Variants in ARHGAP39 observed in about 807,000 individuals in gnomAD.
ARHGAP39 encodes the protein rho GTPase-activating protein 39.
Under a neutral mutation model 106.9 loss-of-function variants are expected in ARHGAP39, and 44 were observed. The observed-to-expected ratio is 0.41, with a 90% CI of 0.32 to 0.53. The LOEUF (loss-of-function observed/expected upper bound fraction) is 0.53. ARHGAP39 is among the 20% of genes least tolerant of loss of function. ARHGAP39 has a pLI of 0.21. For synonymous variants in ARHGAP39, 768 were observed against 693.2 expected, an observed-to-expected ratio of 1.11 and a Z score of -1.69; for missense variants, 1,496 against 1,577.3, an observed-to-expected ratio of 0.95 and a Z score of 0.87.
intron 6 of ARHGAP39, among the ~76,000 whole-genome samples, chr8:144,542,556 C>G (rs1817237446): frequency 6.6e-6 from 1 of 152,226 alleles, no homozygotes; most frequent in African/African-American, 2.4e-5. Flanking sequence ...TCCTCCTCGG[C>G]TGATAGGGCC....
rs191944183 is a variant in ARHGAP39, at chr8:144,622,583, C to A, written c.-81-16888G>T. Among the ~76,000 whole-genome samples the A allele has an allele frequency of 1.5e-3, 227 of 152,286 alleles. 6 individuals are homozygous for A. In the East Asian group the frequency reaches 0.03, roughly 20 times the overall value. On this transcript the variant is annotated intron_variant, in intron 1 of 11. Transcript: ENST00000377307. ...TCAGGTGCGAGCCCAGCCCACAGCA[C>A]CGACAGGAGTCAATGTATTCAGAGT...
intron 4 of ARHGAP39, among the ~76,000 whole-genome samples, chr8:144,552,469 G>A (rs1817750263): frequency 6.6e-6 from 1 of 152,234 alleles, no homozygotes; most frequent in South Asian, 2.1e-4. Flanking sequence ...TACAGACACA[G>A]TTATACTCAC....
At chr8:144,607,235 C>CAA (rs1167793437) in intron 1 of ARHGAP39, among the ~76,000 whole-genome samples, 589 of 48,182 alleles carry the variant, frequency 0.012, 6 homozygotes, top group East Asian at 0.016. Flanking sequence ...GACATTGTCT[C>CAA]AAAAAAAAAA....
At chr8:144,687,913 C>T (rs576431914), upstream of ARHGAP39, among the ~76,000 whole-genome samples, 47 of 138,442 alleles carry the variant, frequency 3.4e-4, no homozygotes, top group South Asian at 7.0e-4. Context: ...CGTGACCACA[C>T]ACTGGCGGTG....
intron 1 of ARHGAP39, among the ~76,000 whole-genome samples, chr8:144,683,990 G>A (rs1345053865): frequency 1.3e-5 from 2 of 152,110 alleles, no homozygotes; most frequent in Non-Finnish European, 2.9e-5. Context: ...ACCCTATGAG[G>A]CCAATATTAT....
rs539286832 is a variant in ARHGAP39, at chr8:144,651,690, G to C, written c.-82+33996C>G. On this transcript the variant is annotated intron_variant, in intron 1 of 11. Coordinates refer to ENST00000377307, the MANE Select transcript of ARHGAP39 (RefSeq NM_025251.3). ...TCACTGCACTCCAGCCTGGATGATA[G>C]AGAGACTCTGTCTCAAAAAAAAATT... is the stretch of plus-strand genomic sequence containing the variant. 3.3e-5 allele frequency among the ~76,000 whole-genome samples: 5 copies of C among 152,164 alleles called. No individual in the cohort carries two copies. In the East Asian group the frequency reaches 7.8e-4, roughly 24 times the overall value.
At position 144,530,505 on chromosome 8, in the gene ARHGAP39, AGAT is replaced by A; in HGVS notation, c.3259_3261del (p.Ile1087del). On this transcript the variant is annotated inframe_deletion, in exon 12 of 12. Coordinates refer to ENST00000377307, the MANE Select transcript of ARHGAP39 (RefSeq NM_025251.3). Reference sequence around the variant, plus strand: ...GACATCTCCTTGCGGGTGTTCTCGAAGATGACGCGCGGGTCGTCGGACTGGCAG... The same window carrying A: ...GACATCTCCTTGCGGGTGTTCTCGAAGACGCGCGGGTCGTCGGACTGGCAG... 1 of 1,612,044 alleles carries A rather than the reference AGAT, an allele frequency of 6.2e-7. No individual in the cohort carries two copies. Among genetic ancestry groups the A allele is most frequent in the Non-Finnish European group, 8.5e-7 (1 of 1,179,670 alleles).
At chr8:144,686,687 G>A (rs937657177), upstream of ARHGAP39, among the ~76,000 whole-genome samples, 3 of 152,156 alleles carry the variant, frequency 2.0e-5, no homozygotes, top group African/African-American at 7.2e-5. Flanking sequence ...CTCGCCGCCC[G>A]CGCTTCCCTG....
At chr8:144,572,383 TC>T (rs1193203271) in intron 3 of ARHGAP39, among the ~76,000 whole-genome samples, 1 of 152,200 alleles carries the variant, frequency 6.6e-6, no homozygotes, top group Non-Finnish European at 1.5e-5. Context: ...GGGAAAGGAT[TC>T]CCTATTTAAT....
the ARHGAP39 span, among the ~76,000 whole-genome samples, chr8:144,695,862 CT>C: frequency 6.6e-6 from 1 of 152,186 alleles, no homozygotes; most frequent in Non-Finnish European, 1.5e-5. Context: ...GCCACAGTAT[CT>C]TATCAATTAA....
At chr8:144,638,290 TC>T in intron 1 of ARHGAP39, among the ~76,000 whole-genome samples, 1 of 152,334 alleles carries the variant, frequency 6.6e-6, no homozygotes, top group East Asian at 1.9e-4. Context: ...CTTCTCTTGG[TC>T]TTTGGTGTTT....
At chr8:144,537,174 A>T (rs1816990142) in intron 7 of ARHGAP39, among the ~76,000 whole-genome samples, 1 of 143,094 alleles carries the variant, frequency 7.0e-6, no homozygotes. Context: ...GCTGTGTGAG[A>T]GTGTGGGTGG....
At position 144,599,552 on chromosome 8, in the gene ARHGAP39, G is replaced by A. The variant is rs187068033; in HGVS notation, c.80+5983C>T. The stretch of plus-strand genomic sequence containing the variant: ...AGGTAGGCAGGTGCAGAAAGGGCAC[G>A]GGGAAGAGGCCTGGCTGAATGTGCC... On this transcript the variant is annotated intron_variant, in intron 2 of 11. Transcript: ENST00000377307. Among the ~76,000 whole-genome samples the A allele has an allele frequency of 5.4e-3, 816 of 152,346 alleles. 5 individuals carry two copies. The highest frequency in any genetic ancestry group is 0.019 in the South Asian group (94 of 4,822).
At chr8:144,674,973 G>A (rs1036309355) in intron 1 of ARHGAP39, among the ~76,000 whole-genome samples, 1 of 152,140 alleles carries the variant, frequency 6.6e-6, no homozygotes, top group African/African-American at 2.4e-5. Context: ...CAGGGGAAGG[G>A]GGGCTTCCTG....
At chr8:144,618,219 G>A (rs956175112) in intron 1 of ARHGAP39, among the ~76,000 whole-genome samples, 2 of 152,220 alleles carry the variant, frequency 1.3e-5, no homozygotes, top group Non-Finnish European at 2.9e-5. Flanking sequence ...CGAGCCCAGT[G>A]CCCCTTGTCC....
intron 1 of ARHGAP39, among the ~76,000 whole-genome samples, chr8:144,622,796 C>G (rs1046971806): frequency 6.6e-6 from 1 of 152,272 alleles, no homozygotes; most frequent in Non-Finnish European, 1.5e-5. Flanking sequence ...AAGGAAGGCC[C>G]CGCGCAGGAG....
At chr8:144,664,365 G>T (rs1821907593) in intron 1 of ARHGAP39, among the ~76,000 whole-genome samples, 1 of 152,158 alleles carries the variant, frequency 6.6e-6, no homozygotes, top group South Asian at 2.1e-4. Flanking sequence ...CCCCAGCTTT[G>T]GGTGATGGCC....
At chr8:144,634,901 G>T (rs576247457) in intron 1 of ARHGAP39, among the ~76,000 whole-genome samples, 1 of 152,180 alleles carries the variant, frequency 6.6e-6, no homozygotes, top group African/African-American at 2.4e-5. Flanking sequence ...CAGGCCCTGT[G>T]CGGGTGTAGT....
At position 144,685,720 on chromosome 8, in the gene ARHGAP39, C is replaced by T. The variant is rs979881452; in HGVS notation, c.-116G>A. Among the ~76,000 whole-genome samples, 23 of 147,908 alleles carry T rather than the reference C, an allele frequency of 1.6e-4. No individual in the cohort carries two copies. The highest frequency in any genetic ancestry group is 5.6e-4 in the African/African-American group (23 of 41,110). The stretch of plus-strand genomic sequence containing the variant: ...GCGCGCGGGCCGCGCCGCCACAGTC[C>T]CTCATCCCGGCCCGCGCGACGCGCG... On this transcript the variant is annotated 5_prime_UTR_variant, in exon 1 of 12. Coordinates refer to ENST00000377307, the MANE Select transcript of ARHGAP39 (RefSeq NM_025251.3).
Sources: gnomAD v4.1 joint callset for allele counts (sites outside exome capture counted in the v4.1 genomes callset) on GRCh38, gnomAD v4.1.1 for gene constraint, MANE v1.5 for transcripts, NCBI Gene and HGNC (gene_info 2026-07-23, HGNC 2026-07-21) for gene names.